Variants in GPC5 observed in about 807,000 individuals in gnomAD.
GPC5 encodes glypican-5.
Under a neutral mutation model 53.9 loss-of-function variants are expected in GPC5, and 47 were observed. The ratio of observed to expected loss-of-function variants is 0.87; its 90% CI spans 0.69 to 1.11. GPC5 has a LOEUF of 1.11. GPC5 is among the 50% of genes most tolerant of loss of function. The pLI is 0.00. For missense variants in GPC5, 748 were observed against 713.1 expected (o/e 1.05, Z -0.56); for synonymous variants, 286 against 263.3 (o/e 1.09, Z -0.84).
chr13:91,685,861 T>C (rs1181311035), intron 2 of GPC5, among the ~76,000 whole-genome samples: 1 of 151,868 alleles, frequency 6.6e-6, no homozygotes, highest in Non-Finnish European at 1.5e-5. Flanking sequence ...ACAGGAATTA[T>C]GAGTTAGCAG....
chr13:91,571,765 A>ATATATACACACATATACGTG lies in GPC5; in HGVS notation c.326-121421_326-121420insATATACACACATATACGTGT, dbSNP rs1566515027. ...TATATATACACACATATACATGTGT[A>ATATATACACACATATACGTG]TGTGTATATACACACACATATACGT... On this transcript the variant is annotated intron_variant, in intron 2 of 7. Coordinates refer to ENST00000377067, the MANE Select transcript of GPC5 (RefSeq NM_004466.6). Among the ~76,000 whole-genome samples, 9 of 67,710 alleles carry ATATATACACACATATACGTG rather than the reference A, an allele frequency of 1.3e-4. No individual in the cohort carries two copies. The African/African-American group carries it at 1.4e-3, about 10-fold the overall frequency. 44.4% of individuals were successfully genotyped at this position (67,710 alleles called of 152,430 possible).
intron 6 of GPC5, among the ~76,000 whole-genome samples, chr13:92,139,578 A>T (rs1243299267): frequency 1.3e-5 from 2 of 148,630 alleles, no homozygotes; most frequent in African/African-American, 2.5e-5. Context: ...TAGGCAGGAC[A>T]ATTGCTTGAA....
chr13:92,185,098 A>C (rs1236153373), intron 7 of GPC5, among the ~76,000 whole-genome samples: 2 of 152,128 alleles, frequency 1.3e-5, no homozygotes, highest in Non-Finnish European at 2.9e-5. Flanking sequence ...AGATGCACTG[A>C]GTCCCATTGT....
chr13:92,312,984 G>A (rs534324477), intron 7 of GPC5, among the ~76,000 whole-genome samples: 2 of 152,184 alleles, frequency 1.3e-5, no homozygotes, highest in African/African-American at 4.8e-5. Flanking sequence ...TAATACTTCT[G>A]GAAGGCTTAT....
intron 1 of GPC5, among the ~76,000 whole-genome samples, chr13:91,446,830 C>T (rs749114053): frequency 7.2e-5 from 11 of 152,162 alleles, no homozygotes; most frequent in East Asian, 3.8e-4. Flanking sequence ...ATCTTATAGG[C>T]GATACTGATG....
chr13:91,765,963 T>C (rs1447877949), intron 5 of GPC5, among the ~76,000 whole-genome samples: 1 of 152,216 alleles, frequency 6.6e-6, no homozygotes, highest in Non-Finnish European at 1.5e-5. Context: ...ATTTTCTGTA[T>C]ATTTGTATTC....
At chr13:92,656,433 G>A (rs1038411562) in intron 7 of GPC5, among the ~76,000 whole-genome samples, 1 of 152,162 alleles carries the variant, frequency 6.6e-6, no homozygotes, top group African/African-American at 2.4e-5. Context: ...CCAGTTAGTG[G>A]AAGTTAGTGG....
At chr13:92,732,279 A>C (rs1193226732) in intron 7 of GPC5, among the ~76,000 whole-genome samples, 1 of 151,522 alleles carries the variant, frequency 6.6e-6, no homozygotes, top group African/African-American at 2.4e-5. Flanking sequence ...GAATCCAAAA[A>C]AGTTACTATA....
chr13:92,030,503 C>T (rs1472033264), intron 6 of GPC5, among the ~76,000 whole-genome samples: 2 of 152,166 alleles, frequency 1.3e-5, no homozygotes, highest in Non-Finnish European at 2.9e-5. Flanking sequence ...ACAGTCATCT[C>T]ATTTCTCCCC....
At chr13:91,407,081 A>G (rs1397878782) in intron 1 of GPC5, among the ~76,000 whole-genome samples, 1 of 152,218 alleles carries the variant, frequency 6.6e-6, no homozygotes, top group Non-Finnish European at 1.5e-5. Context: ...AGTGATTTGT[A>G]GAATTGAATC....
intron 7 of GPC5, among the ~76,000 whole-genome samples, chr13:92,640,593 G>T (rs1164722267): frequency 6.6e-6 from 1 of 152,100 alleles, no homozygotes; most frequent in Non-Finnish European, 1.5e-5. Flanking sequence ...CCTACTGAAA[G>T]GAACAAGAGC....
intron 6 of GPC5, among the ~76,000 whole-genome samples, chr13:92,088,182 C>T (rs1337131929): frequency 1.3e-5 from 2 of 152,160 alleles, no homozygotes; most frequent in Non-Finnish European, 2.9e-5. Flanking sequence ...TGTACAGTAG[C>T]TTCTATCCTA....
At chr13:91,812,345 T>C (rs1352517131) in intron 5 of GPC5, among the ~76,000 whole-genome samples, 1 of 152,170 alleles carries the variant, frequency 6.6e-6, no homozygotes, top group Non-Finnish European at 1.5e-5. Flanking sequence ...TTTGAAAGTA[T>C]GGAATAAAGA....
chr13:91,439,344 G>A (rs1880248499), intron 1 of GPC5, among the ~76,000 whole-genome samples: 1 of 152,216 alleles, frequency 6.6e-6, no homozygotes, highest in Non-Finnish European at 1.5e-5. Context: ...AGAAAAAAAA[G>A]AATTATCTAG....
intron 7 of GPC5, among the ~76,000 whole-genome samples, chr13:92,814,549 T>C (rs1446985026): frequency 6.6e-6 from 1 of 151,366 alleles, no homozygotes; most frequent in Non-Finnish European, 1.5e-5. Context: ...TAGTTCCAGC[T>C]ATTTGGGAGG....
At chr13:91,872,164 G>A (rs1314913768) in intron 5 of GPC5, among the ~76,000 whole-genome samples, 1 of 152,082 alleles carries the variant, frequency 6.6e-6, no homozygotes, top group Non-Finnish European at 1.5e-5. Flanking sequence ...GCTGTAAATG[G>A]CTGTTCTCAT....
intron 6 of GPC5, among the ~76,000 whole-genome samples, chr13:91,917,568 A>G (rs2039671895): frequency 6.6e-6 from 1 of 152,156 alleles, no homozygotes; most frequent in Non-Finnish European, 1.5e-5. Context: ...TCAACCCCAC[A>G]TTTCCCTTCT....
intron 7 of GPC5, among the ~76,000 whole-genome samples, chr13:92,152,038 A>G (rs2041910971): frequency 6.6e-6 from 1 of 152,212 alleles, no homozygotes; most frequent in African/African-American, 2.4e-5. Context: ...CATCATGAAC[A>G]GAACAAGGGG....
At chr13:91,772,967 C>T (rs1028612407) in intron 5 of GPC5, among the ~76,000 whole-genome samples, 1 of 151,996 alleles carries the variant, frequency 6.6e-6, no homozygotes, top group Non-Finnish European at 1.5e-5. Flanking sequence ...TATGGAAGAA[C>T]ACATTTGTAT....
Sources: allele counts gnomAD v4.1 joint callset (sites outside exome capture counted in the v4.1 genomes callset), GRCh38; gene constraint gnomAD v4.1.1; transcripts MANE v1.5; gene names NCBI Gene and HGNC (gene_info 2026-07-23, HGNC 2026-07-21).